MBD5: variants seen among roughly 807,000 people sequenced by gnomAD.
MBD5 encodes the protein methyl-CpG-binding domain protein 5.
MBD5 carries 13 observed loss-of-function variants against 117.3 expected under a neutral mutation model. The observed-to-expected ratio is 0.11, with a 90% CI of 0.07 to 0.18. The LOEUF (loss-of-function observed/expected upper bound fraction) is 0.18. MBD5 is among the 10% of genes least tolerant of loss of function. The pLI is 1.00. For missense variants in MBD5, 1,879 were observed against 2,093.8 expected, an observed-to-expected ratio of 0.90 and a Z score of 2.00; for synonymous variants, 727 against 766.4, an observed-to-expected ratio of 0.95 and a Z score of 0.85.
intron 4 of MBD5, among the ~76,000 whole-genome samples, chr2:148,391,550 A>G (rs987627100): frequency 6.6e-6 from 1 of 152,164 alleles, no homozygotes; most frequent in Admixed American, 6.5e-5. Context: ...TTGACATCAT[A>G]TATTTCACAA....
In MBD5 at chr2:148,514,017, G is replaced by A. The variant is rs1280753154; in HGVS notation, c.*1076G>A. ...GCAAATATAAATATGAATCATCAAA[G>A]CAAGTTTCATATCCATTCATCAGTA... On this transcript the variant is annotated 3_prime_UTR_variant, in exon 14 of 14. Transcript: ENST00000642680. The A allele has an allele frequency of 2.0e-5, 3 of 152,120 alleles. No homozygotes were observed. The highest frequency in any genetic ancestry group is 4.4e-5 in the Non-Finnish European group (3 of 68,024). The allele number at this position is 152,120 out of a possible 1,614,324, so 9.4% of individuals were successfully genotyped here.
intron 3 of MBD5, among the ~76,000 whole-genome samples, chr2:148,248,888 GGT>G (rs1700404195): frequency 6.6e-6 from 1 of 151,876 alleles, no homozygotes; most frequent in African/African-American, 2.4e-5. Context: ...ATAAAAAAGA[GGT>G]ATATAAAATT....
rs569222880 is a variant in MBD5 at position 148,485,715 on chromosome 2, T to C, written c.3545-27T>C. 3 of 1,519,396 alleles carry C rather than the reference T, an allele frequency of 2.0e-6. No homozygotes were observed. The South Asian group carries it at 3.5e-5, about 18-fold the overall frequency. The allele number at this position is 1,519,396 out of a possible 1,614,324, so 94.1% of individuals were successfully genotyped here. ...CGAATCTCCGAAGAATCACATTTAT[T>C]TATATTTTATGTTTTTCAAACTGTA... On this transcript the variant is annotated intron_variant, in intron 9 of 13. Coordinates refer to ENST00000642680, the MANE Select transcript of MBD5 (RefSeq NM_001378120.1).
At chr2:148,352,277 T>C (rs2105239632) in intron 4 of MBD5, among the ~76,000 whole-genome samples, 1 of 152,166 alleles carries the variant, frequency 6.6e-6, no homozygotes, top group South Asian at 2.1e-4. Flanking sequence ...ATTTTTATAA[T>C]ACGTACCAGC....
intron 4 of MBD5, among the ~76,000 whole-genome samples, chr2:148,421,180 T>A (rs1022713810): frequency 6.6e-6 from 1 of 152,182 alleles, no homozygotes; most frequent in Non-Finnish European, 1.5e-5. Flanking sequence ...CCCAGCAAGA[T>A]TGACGCATAA....
At chr2:148,169,597 A>C (rs1396191968) in intron 1 of MBD5, among the ~76,000 whole-genome samples, 2 of 152,332 alleles carry the variant, frequency 1.3e-5, no homozygotes, top group East Asian at 1.9e-4. Context: ...TACCCTTAGC[A>C]GATCTGATAG....
At chr2:148,247,780 A>G (rs2106227543) in intron 3 of MBD5, among the ~76,000 whole-genome samples, 1 of 152,280 alleles carries the variant, frequency 6.6e-6, no homozygotes, top group African/African-American at 2.4e-5. Flanking sequence ...GAAACCAGAA[A>G]GAAAAAGGAT....
chr2:148,131,057 C>G (rs1230244048), intron 1 of MBD5, among the ~76,000 whole-genome samples: 1 of 152,014 alleles, frequency 6.6e-6, no homozygotes, highest in East Asian at 1.9e-4. Flanking sequence ...TTCAAAGGGA[C>G]TTACTTGTTG....
chr2:148,153,225 C>T (rs1029997512), intron 1 of MBD5, among the ~76,000 whole-genome samples: 63 of 151,604 alleles, frequency 4.2e-4, no homozygotes, highest in Non-Finnish European at 7.1e-4. Flanking sequence ...CTATGAAATT[C>T]TGGGTTGAAA....
At chr2:148,038,741 G>T (rs573061350) in intron 1 of MBD5, among the ~76,000 whole-genome samples, 57 of 152,012 alleles carry the variant, frequency 3.7e-4, no homozygotes, top group African/African-American at 1.3e-3. Context: ...ATAAAGATTT[G>T]TAAGGAAGTT....
intron 2 of MBD5, among the ~76,000 whole-genome samples, chr2:148,195,904 T>C (rs1378837198): frequency 6.6e-6 from 1 of 152,154 alleles, no homozygotes; most frequent in East Asian, 1.9e-4. Context: ...AGAAAGAAAT[T>C]TGTAATTTTA....
intron 8 of MBD5, among the ~76,000 whole-genome samples, chr2:148,479,380 A>G (rs1016939145): frequency 6.6e-6 from 1 of 152,196 alleles, no homozygotes; most frequent in African/African-American, 2.4e-5. Context: ...AAACACACCA[A>G]CACATAGCAT....
At chr2:148,210,394 C>T (rs1699393341) in intron 2 of MBD5, among the ~76,000 whole-genome samples, 1 of 151,672 alleles carries the variant, frequency 6.6e-6, no homozygotes, top group African/African-American at 2.4e-5. Context: ...TTATATTGTT[C>T]AAGAGATAAT....
At chr2:148,249,442 T>G (rs1387284094) in intron 3 of MBD5, among the ~76,000 whole-genome samples, 1 of 152,148 alleles carries the variant, frequency 6.6e-6, no homozygotes, top group East Asian at 1.9e-4. Flanking sequence ...AAAGGAAAAT[T>G]TAAATCAGCA....
chr2:148,111,987 T>C (rs1042910287), intron 1 of MBD5, among the ~76,000 whole-genome samples: 7 of 152,192 alleles, frequency 4.6e-5, no homozygotes, highest in African/African-American at 1.4e-4. Context: ...AAATATTTTA[T>C]TGAACCATAC....
intron 4 of MBD5, among the ~76,000 whole-genome samples, chr2:148,351,441 T>G (rs1574322676): frequency 6.6e-6 from 1 of 152,222 alleles, no homozygotes; most frequent in African/African-American, 2.4e-5. Context: ...AATCAGTACA[T>G]CATCTCTTTT....
intron 4 of MBD5, among the ~76,000 whole-genome samples, chr2:148,396,975 A>T (rs1446279087): frequency 6.6e-6 from 1 of 152,166 alleles, no homozygotes; most frequent in East Asian, 1.9e-4. Flanking sequence ...CTCATATAAC[A>T]TATGAGTTAT....
intron 4 of MBD5, among the ~76,000 whole-genome samples, chr2:148,445,501 G>A (rs1301431063): frequency 1.3e-5 from 2 of 151,276 alleles, no homozygotes; most frequent in Non-Finnish European, 2.9e-5. Flanking sequence ...ATTCCATGGT[G>A]TATATGTGCC....
intron 3 of MBD5, among the ~76,000 whole-genome samples, chr2:148,282,817 T>G (rs1407222783): frequency 6.6e-6 from 1 of 151,944 alleles, no homozygotes; most frequent in Non-Finnish European, 1.5e-5. Context: ...TTCTGTACTT[T>G]CTGGGTCATT....
Sources: gnomAD v4.1 joint callset for allele counts (sites outside exome capture counted in the v4.1 genomes callset) on GRCh38, gnomAD v4.1.1 for gene constraint, MANE v1.5 for transcripts, NCBI Gene and HGNC (gene_info 2026-07-23, HGNC 2026-07-21) for gene names.